Variants in PDE7B observed in about 807,000 individuals in gnomAD.
PDE7B encodes the protein 3',5'-cyclic-AMP phosphodiesterase 7B.
PDE7B carries 29 observed loss-of-function variants against 56.2 expected under a neutral mutation model. That is an observed-to-expected ratio of 0.52 (90% CI 0.38 to 0.70). The LOEUF (loss-of-function observed/expected upper bound fraction) is 0.70. Ranked by LOEUF, PDE7B falls within the 30% of genes least tolerant of loss-of-function variation. PDE7B has a pLI of 0.00. For synonymous variants in PDE7B, 197 were observed against 196.9 expected (o/e 1.00, Z 0.00); for missense variants, 490 against 565.0 (o/e 0.87, Z 1.35).
At chr6:136,167,205 T>C (rs1778809392) in intron 8 of PDE7B, among the ~76,000 whole-genome samples, 1 of 152,170 alleles carries the variant, frequency 6.6e-6, no homozygotes. Flanking sequence ...TGCTCTTCTC[T>C]CCATGCATTT....
intron 2 of PDE7B, among the ~76,000 whole-genome samples, chr6:135,974,611 T>G (rs1006220493): frequency 1.3e-5 from 2 of 152,260 alleles, no homozygotes; most frequent in African/African-American, 4.8e-5. Context: ...TCTCTGACTC[T>G]CTTTTCCAGG....
At chr6:136,122,486 C>A (rs1299512683) in intron 3 of PDE7B, among the ~76,000 whole-genome samples, 1 of 152,170 alleles carries the variant, frequency 6.6e-6, no homozygotes, top group Non-Finnish European at 1.5e-5. Flanking sequence ...CCTAACCCAA[C>A]CTTCTATGCC....
chr6:136,154,170 C>A lies in PDE7B; in HGVS notation c.574C>A (p.Pro192Thr). The change falls in exon 7 of 13, where the codon CCA becomes ACA. Residue 192 changes from proline to threonine, a missense_variant. By Grantham distance (38) the Pro-to-Thr change is conservative. Coordinates refer to ENST00000308191, the MANE Select transcript of PDE7B (RefSeq NM_018945.4). ...TQAMHCYLKE[P>T]KLASFLTPLD... ...GGCCATGCACTGCTACCTGAAAGAG[C>A]CAAAGGTAAGACAAGACCCAGCTGC... The A allele has an allele frequency of 6.2e-7, 1 of 1,609,074 alleles. No individual in the cohort carries two copies. The highest frequency in any genetic ancestry group is 8.5e-7 in the Non-Finnish European group (1 of 1,175,696).
chr6:136,148,374 A>G (rs982738708), intron 4 of PDE7B, among the ~76,000 whole-genome samples: 1 of 149,778 alleles, frequency 6.7e-6, no homozygotes, highest in Admixed American at 6.8e-5. Context: ...AGAAGGAAAG[A>G]AAAGAAAAGA....
chr6:135,955,781 A>G (rs1774782734), intron 2 of PDE7B, among the ~76,000 whole-genome samples: 1 of 152,194 alleles, frequency 6.6e-6, no homozygotes, highest in South Asian at 2.1e-4. Context: ...TGCAAAATAC[A>G]GGAAACTTTT....
intron 2 of PDE7B, among the ~76,000 whole-genome samples, chr6:135,949,107 G>A (rs1306499739): frequency 6.6e-6 from 1 of 152,002 alleles, no homozygotes; most frequent in Non-Finnish European, 1.5e-5. Flanking sequence ...TATAAATAAG[G>A]AAATTGAGGG....
At chr6:135,925,901 G>A (rs1774175463) in intron 1 of PDE7B, among the ~76,000 whole-genome samples, 1 of 152,044 alleles carries the variant, frequency 6.6e-6, no homozygotes, top group Admixed American at 6.5e-5. Flanking sequence ...GTTGAAAATT[G>A]TAGGTGAGAA....
intron 2 of PDE7B, among the ~76,000 whole-genome samples, chr6:136,058,987 A>G (rs906268376): frequency 2.6e-5 from 4 of 152,194 alleles, no homozygotes; most frequent in Admixed American, 6.5e-5. Context: ...TTAAATACAC[A>G]TAATCCATGA....
At chr6:135,963,809 C>CT (rs1399958042) in intron 2 of PDE7B, among the ~76,000 whole-genome samples, 2 of 152,082 alleles carry the variant, frequency 1.3e-5, no homozygotes, top group Non-Finnish European at 2.9e-5. Flanking sequence ...TTTAGAGTGA[C>CT]TTTTTTCTAT....
intron 3 of PDE7B, among the ~76,000 whole-genome samples, chr6:136,128,426 G>A (rs1468294096): frequency 6.6e-6 from 1 of 152,054 alleles, no homozygotes; most frequent in African/African-American, 2.4e-5. Flanking sequence ...CTGTTTGAAT[G>A]CCTGTTCTTC....
At chr6:136,115,126 C>T (rs1777810326) in intron 3 of PDE7B, among the ~76,000 whole-genome samples, 1 of 152,178 alleles carries the variant, frequency 6.6e-6, no homozygotes. Flanking sequence ...GAGGGATTTA[C>T]AGTAGCATAA....
intron 1 of PDE7B, among the ~76,000 whole-genome samples, chr6:135,893,671 C>T (rs1775849094): frequency 6.6e-6 from 1 of 151,994 alleles, no homozygotes; most frequent in Admixed American, 6.6e-5. Flanking sequence ...GGGTATATAC[C>T]CAAAGGACTA....
chr6:136,041,899 C>T (rs1019483988), intron 2 of PDE7B, among the ~76,000 whole-genome samples: 3 of 152,134 alleles, frequency 2.0e-5, no homozygotes, highest in Admixed American at 6.5e-5. Context: ...ACCAGCATTT[C>T]GATTGCCCAA....
At chr6:135,892,610 T>C (rs982893886) in intron 1 of PDE7B, among the ~76,000 whole-genome samples, 2 of 152,176 alleles carry the variant, frequency 1.3e-5, no homozygotes, top group Non-Finnish European at 2.9e-5. Context: ...TATATTATAA[T>C]AGCTCACCTC....
At chr6:135,916,638 G>T (rs1371499310) in intron 1 of PDE7B, among the ~76,000 whole-genome samples, 2 of 151,646 alleles carry the variant, frequency 1.3e-5, no homozygotes. Flanking sequence ...TGATCCACCT[G>T]CCTCAGCCTC....
chr6:135,953,827 A>G (rs1282846046), intron 2 of PDE7B, among the ~76,000 whole-genome samples: 1 of 152,170 alleles, frequency 6.6e-6, no homozygotes, highest in African/African-American at 2.4e-5. Context: ...ACAAGTAAAG[A>G]CTGTGTTGAA....
chr6:135,859,886 T>C (rs555707169), intron 1 of PDE7B, among the ~76,000 whole-genome samples: 3 of 152,018 alleles, frequency 2.0e-5, no homozygotes, highest in Non-Finnish European at 2.9e-5. Context: ...TAAAATTCAA[T>C]TTGCTTATTT....
chr6:135,876,623 C>T (rs1775498002), intron 1 of PDE7B, among the ~76,000 whole-genome samples: 2 of 152,100 alleles, frequency 1.3e-5, no homozygotes, highest in African/African-American at 4.8e-5. Context: ...CTTTGGGAGG[C>T]TGAGGCAGGT....
intron 2 of PDE7B, among the ~76,000 whole-genome samples, chr6:136,074,839 T>C (rs1777105603): frequency 6.6e-6 from 1 of 152,254 alleles, no homozygotes; most frequent in African/African-American, 2.4e-5. Flanking sequence ...TGGTGAACTC[T>C]TAAGTTGCTT....
Sources: allele counts gnomAD v4.1 joint callset (sites outside exome capture counted in the v4.1 genomes callset), GRCh38; gene constraint gnomAD v4.1.1; transcripts MANE v1.5; gene names NCBI Gene and HGNC (gene_info 2026-07-23, HGNC 2026-07-21).